DAB1: variants seen among roughly 807,000 people sequenced by gnomAD.
The protein encoded by DAB1 is disabled homolog 1.
Under a neutral mutation model 64.6 loss-of-function variants are expected in DAB1, and 15 were observed. The observed-to-expected ratio is 0.23, with a 90% confidence interval of 0.16 to 0.36. DAB1 has a LOEUF of 0.36. Ranked by LOEUF, DAB1 falls within the 10% of genes least tolerant of loss-of-function variation. DAB1 has a pLI of 1.00. For missense variants in DAB1, 596 were observed against 706.7 expected (o/e 0.84, Z 1.78); for synonymous variants, 235 against 251.9 (o/e 0.93, Z 0.64).
intron 7 of DAB1, among the ~76,000 whole-genome samples, chr1:57,644,155 C>T (rs1041661447): frequency 1.5e-4 from 23 of 152,152 alleles, no homozygotes; most frequent in African/African-American, 5.6e-4. Flanking sequence ...AGAAAAGCCT[C>T]TCTAGCATAG....
intron 6 of DAB1, among the ~76,000 whole-genome samples, chr1:57,806,929 TTTTG>T (rs1651389947): frequency 2.0e-5 from 3 of 152,168 alleles, no homozygotes; most frequent in African/African-American, 7.2e-5. Context: ...AGGACAGGGA[TTTTG>T]TTTGTTTTGT....
chr1:57,136,658 C>T lies in DAB1; in HGVS notation c.208-17G>A, dbSNP rs1658138789. 6.7e-7 allele frequency: 1 copy of T among 1,499,530 alleles called. No individual in the cohort carries two copies. Among genetic ancestry groups the T allele is most frequent in the Non-Finnish European group, 9.0e-7 (1 of 1,105,746 alleles). 92.9% of individuals were successfully genotyped at this position (1,499,530 alleles called of 1,614,324 possible). ...AACAACGCCCTGTTGAAAGGAAGAA[C>T]ATGGTTTTTACTTAAGTGTTTTCAT... On this transcript the variant is annotated splice_polypyrimidine_tract_variant and intron_variant, in intron 3 of 14. Transcript: ENST00000371236.
intron 5 of DAB1, among the ~76,000 whole-genome samples, chr1:58,032,106 T>C (rs1461533661): frequency 6.6e-6 from 1 of 151,794 alleles, no homozygotes; most frequent in African/African-American, 2.4e-5. Context: ...CTGCATCATC[T>C]GGGAGAGGGC....
chr1:57,090,427 C>T (rs1653544123), intron 4 of DAB1, among the ~76,000 whole-genome samples: 1 of 152,140 alleles, frequency 6.6e-6, no homozygotes, highest in African/African-American at 2.4e-5. Flanking sequence ...CATTTGGATA[C>T]AATGGGGAAT....
At position 57,303,019 on chromosome 1, in the gene DAB1, T is replaced by G. The variant is rs575156714; in HGVS notation, c.-136-11853A>C. Reference sequence around the variant, plus strand: ...ATGTTTATCTCACAGTGGTAAGTGCTGGTGGAAAGCAGAGAAATGCCCTTC... The same window carrying G: ...ATGTTTATCTCACAGTGGTAAGTGCGGGTGGAAAGCAGAGAAATGCCCTTC... On this transcript the variant is annotated intron_variant, in intron 1 of 14. Coordinates refer to ENST00000371236, the MANE Select transcript of DAB1 (RefSeq NM_001365792.1). Among the ~76,000 whole-genome samples, 7 of 152,322 alleles carry G rather than the reference T, an allele frequency of 4.6e-5. No individual in the cohort carries two copies. In the South Asian group the frequency reaches 1.4e-3, roughly 32 times the overall value.
At chr1:58,281,860 G>C (rs1242237923) in intron 4 of DAB1, among the ~76,000 whole-genome samples, 3 of 152,124 alleles carry the variant, frequency 2.0e-5, no homozygotes, top group Non-Finnish European at 4.4e-5. Flanking sequence ...TTAGAACAAT[G>C]ACTGGGACAT....
intron 6 of DAB1, among the ~76,000 whole-genome samples, chr1:57,667,472 C>T (rs761233882): frequency 6.6e-6 from 1 of 152,030 alleles, no homozygotes; most frequent in Non-Finnish European, 1.5e-5. Context: ...TCATCCCATC[C>T]CTACTATAAT....
At chr1:57,848,136 C>G (rs1174245658) in intron 1 of DAB1, among the ~76,000 whole-genome samples, 1 of 152,158 alleles carries the variant, frequency 6.6e-6, no homozygotes, top group African/African-American at 2.4e-5. Flanking sequence ...AATGCATATC[C>G]TTTCAAGACA....
chr1:57,931,084 C>T (rs754779682), intron 5 of DAB1, among the ~76,000 whole-genome samples: 6 of 152,206 alleles, frequency 3.9e-5, no homozygotes, highest in Non-Finnish European at 7.4e-5. Context: ...TTGTCAAATG[C>T]TTTTTCTGTA....
chr1:57,583,924 G>T (rs1184918930), intron 7 of DAB1, among the ~76,000 whole-genome samples: 1 of 152,176 alleles, frequency 6.6e-6, no homozygotes, highest in Non-Finnish European at 1.5e-5. Flanking sequence ...GGGCTATGCT[G>T]TTTTCTCTAG....
chr1:57,756,315 C>T (rs12744308), intron 6 of DAB1, among the ~76,000 whole-genome samples: 1,693 of 151,818 alleles, frequency 0.011, 21 homozygotes, highest in Non-Finnish European at 0.017. Context: ...TGACACAGAA[C>T]AGCACCAAGA....
chr1:57,280,084 G>A (rs972126741), intron 2 of DAB1, among the ~76,000 whole-genome samples: 10 of 152,178 alleles, frequency 6.6e-5, no homozygotes, highest in Non-Finnish European at 1.2e-4. Context: ...AGAAAGATCT[G>A]TGTGTAAATG....
At chr1:58,140,597 T>C (rs1410970445) in intron 5 of DAB1, among the ~76,000 whole-genome samples, 1 of 152,122 alleles carries the variant, frequency 6.6e-6, no homozygotes, top group East Asian at 1.9e-4. Context: ...AAATCTCTAA[T>C]TATATACTCA....
intron 7 of DAB1, among the ~76,000 whole-genome samples, chr1:57,502,185 T>A (rs543233135): frequency 1.3e-5 from 2 of 151,820 alleles, no homozygotes; most frequent in African/African-American, 4.8e-5. Context: ...GCCGGTGTGG[T>A]GGCGGGCGCC....
At chr1:57,305,599 T>G (rs1674068832) in intron 1 of DAB1, among the ~76,000 whole-genome samples, 1 of 152,142 alleles carries the variant, frequency 6.6e-6, no homozygotes, top group Non-Finnish European at 1.5e-5. Context: ...CAGCCTATAT[T>G]CTTCAAAATT....
chr1:57,049,798 G>A lies in DAB1; in HGVS notation c.723+13086C>T, dbSNP rs542057552. Among the ~76,000 whole-genome samples the A allele has an allele frequency of 3.3e-4, 50 of 152,266 alleles. 1 individual carries two copies. The South Asian group carries it at 0.01, about 31-fold the overall frequency. Reference sequence around the variant, plus strand: ...GATTGCCATAAACTGCATTGCCTGGGCTCCTTTGCCAACACACTTCCACTT... The same window carrying A: ...GATTGCCATAAACTGCATTGCCTGGACTCCTTTGCCAACACACTTCCACTT... On this transcript the variant is annotated intron_variant, in intron 9 of 14. Transcript: ENST00000371236.
At chr1:57,904,616 A>G (rs1293055282) in intron 5 of DAB1, among the ~76,000 whole-genome samples, 1 of 152,190 alleles carries the variant, frequency 6.6e-6, no homozygotes, top group African/African-American at 2.4e-5. Flanking sequence ...AGCAGGAGAT[A>G]ATTGAACTGA....
intron 5 of DAB1, among the ~76,000 whole-genome samples, chr1:57,997,619 T>G (rs1646445386): frequency 6.6e-6 from 1 of 152,090 alleles, no homozygotes; most frequent in Admixed American, 6.6e-5. Flanking sequence ...ATACCCCTAG[T>G]GATTAGCATA....
At chr1:58,226,097 C>T (rs1416075331) in intron 4 of DAB1, among the ~76,000 whole-genome samples, 1 of 152,138 alleles carries the variant, frequency 6.6e-6, no homozygotes, top group Admixed American at 6.5e-5. Flanking sequence ...CTCTGGGATA[C>T]CTCTGGCTCT....
Sources: gnomAD v4.1 joint callset for allele counts (sites outside exome capture counted in the v4.1 genomes callset) on GRCh38, gnomAD v4.1.1 for gene constraint, MANE v1.5 for transcripts, NCBI Gene and HGNC (gene_info 2026-07-23, HGNC 2026-07-21) for gene names.